ZIC4: variants seen among roughly 807,000 people sequenced by gnomAD.
The protein encoded by ZIC4 is Zic family zinc finger 4, also known as zinc finger protein ZIC 4.
In ZIC4, 15 loss-of-function variants were observed where a neutral mutation model predicts 28.8. That is an observed-to-expected ratio of 0.52 (90% CI 0.35 to 0.80). ZIC4 has a LOEUF of 0.80. Ranked by LOEUF, ZIC4 falls within the 30% of genes least tolerant of loss-of-function variation. The pLI, the probability that ZIC4 is intolerant of heterozygous loss-of-function variation, is 0.01. For synonymous variants in ZIC4, 220 were observed against 198.1 expected (o/e 1.11, Z -0.93); for missense variants, 512 against 467.1 (o/e 1.10, Z -0.89).
In ZIC4 at chr3:147,395,872, A is replaced by T. The variant is rs1322735678; in HGVS notation, c.668T>A (p.Ile223Lys). The T allele has an allele frequency of 6.2e-7, 1 of 1,613,648 alleles. No individual in the cohort carries two copies. The highest frequency in any genetic ancestry group is 1.7e-5 in the Admixed American group (1 of 60,004). The change falls in exon 3 of 5, where the codon ATA becomes AAA. Residue 223 changes from isoleucine (I) to lysine (K), a missense_variant. Physicochemically the swap from Ile to Lys is moderately radical, Grantham distance 102 (BLOSUM62 -3). Around this residue, in one of 3 missense-constraint regions of ZIC4, gnomAD observed 58 missense variants for 93.8 expected, o/e 0.62. Coordinates refer to ENST00000383075, the MANE Select transcript of ZIC4 (RefSeq NM_032153.6). ...CTGACCTGTGTGAGTTCGTTTGTGT[A>T]TTTTGAGATTTTCTGATCTAGCAAA... Reference protein sequence around the residue: ...KVFARSENLKIHKRTHTGEKP... With the variant: ...KVFARSENLKKHKRTHTGEKP...
Position 147,402,711 on chromosome 3 carries a change from G to C in ZIC4, c.70+17C>G. The C allele has an allele frequency of 1.3e-6, 2 of 1,586,196 alleles. No homozygotes were observed. Among genetic ancestry groups the C allele is most frequent in the East Asian group, 4.5e-5 (2 of 44,298 alleles). The stretch of plus-strand genomic sequence containing the variant: ...AGAAACCAGCAAACCAATATTCAAA[G>C]GAGGATTTTAACTTACTTGACTCTT... On this transcript the variant is annotated intron_variant, in intron 2 of 4. Transcript: ENST00000383075.
At chr3:147,393,799 C>T in intron 3 of ZIC4, 1 of 445,348 alleles carries the variant, frequency 2.2e-6, no homozygotes, top group Non-Finnish European at 4.5e-6. Context: ...TGGAGAGGAG[C>T]TGGGTGGCGG....
chr3:147,405,809 C>A, intron 1 of ZIC4: 1 of 377,332 alleles, frequency 2.7e-6, no homozygotes, highest in Non-Finnish European at 4.9e-6. Flanking sequence ...GGAGAAGTTC[C>A]ATCGTCTTGC....
At position 147,387,078 on chromosome 3, in the gene ZIC4, GAAACACAATTAT is replaced by G. The variant is rs2086809348; in HGVS notation, c.*1769_*1780del. ...ATGCAAACCAGAGCAGAAAGAAGCA[GAAACACAATTAT>G]GGACTTAGGGTATGTATTCTGCTTG... is the stretch of plus-strand genomic sequence containing the variant. On this transcript the variant is annotated 3_prime_UTR_variant, in exon 5 of 5. Transcript: ENST00000383075. The G allele has an allele frequency of 6.6e-6, 1 of 152,182 alleles. No individual in the cohort carries two copies. Among genetic ancestry groups the G allele is most frequent in the Non-Finnish European group, 1.5e-5 (1 of 68,040 alleles). 9.4% of individuals were successfully genotyped at this position (152,182 alleles called of 1,614,324 possible).
In ZIC4 at chr3:147,396,757, G is replaced by A. The variant is rs2087058077; in HGVS notation, c.71-288C>T. 10 of 347,668 alleles carry A rather than the reference G, an allele frequency of 2.9e-5. No homozygotes were observed. Among genetic ancestry groups the A allele is most frequent in the Non-Finnish European group, 4.7e-5 (9 of 193,096 alleles). The allele number at this position is 347,668 out of a possible 1,614,324, so 21.5% of individuals were successfully genotyped here. On this transcript the variant is annotated intron_variant, in intron 2 of 4. Coordinates refer to ENST00000383075, the MANE Select transcript of ZIC4 (RefSeq NM_032153.6). This position sits in a 1 kb window ranked among gnomAD's most constrained non-coding sequence, Gnocchi z 4.2. ...AAGGGGTAATGGAAGGCGCAGGGCT[G>A]AGTCTGTGGGTTGCTGGGGGTTCTG...
chr3:147,405,128 A>C (rs1386313654), intron 1 of ZIC4, among the ~76,000 whole-genome samples: 1 of 152,002 alleles, frequency 6.6e-6, no homozygotes, highest in Non-Finnish European at 1.5e-5. Context: ...AGGGGCCTTT[A>C]CTCATTCTCC....
At chr3:147,403,646 C>T in intron 1 of ZIC4, 1 of 201,408 alleles carries the variant, frequency 5.0e-6, no homozygotes, top group Non-Finnish European at 1.0e-5. Flanking sequence ...AAGCATCTAT[C>T]CGGCCCCCAC....
At position 147,390,228 on chromosome 3, in the gene ZIC4, G is replaced by C. The variant is rs1480214110; in HGVS notation, c.1004+703C>G. On this transcript the variant is annotated intron_variant, in intron 4 of 4. Coordinates refer to ENST00000383075, the MANE Select transcript of ZIC4 (RefSeq NM_032153.6). ...ATGAATCTCCCTTACCTCCTTTATA[G>C]AGGAGGTTGGAAAAATTAGGACTTG... is the stretch of plus-strand genomic sequence containing the variant. Among the ~76,000 whole-genome samples the C allele has an allele frequency of 2.7e-5, 4 of 150,600 alleles. No homozygotes were observed. In the South Asian group the frequency reaches 8.5e-4, roughly 32 times the overall value.
intron 2 of ZIC4, chr3:147,397,018 A>G (rs1351703547): frequency 1.3e-5 from 2 of 152,074 alleles, no homozygotes; most frequent in Non-Finnish European, 2.9e-5. Flanking sequence ...GGCCGCTAAC[A>G]CCACTGCCAC....
Position 147,396,207 on chromosome 3 carries a change from G to A in ZIC4, c.333C>T (p.His111=), listed in dbSNP as rs773906033. Residue 111 remains histidine, a synonymous_variant, in exon 3 of 5, where the codon CAC becomes CAT. Coordinates refer to ENST00000383075, the MANE Select transcript of ZIC4 (RefSeq NM_032153.6). This position sits in a 1 kb window ranked among gnomAD's most constrained non-coding sequence, Gnocchi z 4.2. ...TGTAGCGGAAGAAAGCGCCAGGACC[G>A]TGGGGCGCAGCGAGGTTCACCGTCA... ...MNLTVNLAAP[H]GPGAFFRYMR... is the part of the protein sequence containing the mutation. 1.7e-5 allele frequency: 27 copies of A among 1,613,926 alleles called. No individual in the cohort carries two copies. Among genetic ancestry groups the A allele is most frequent in the Non-Finnish European group, 2.3e-5 (27 of 1,179,996 alleles).
At chr3:147,398,062 C>T (rs1253233243) in intron 2 of ZIC4, among the ~76,000 whole-genome samples, 1 of 152,004 alleles carries the variant, frequency 6.6e-6, no homozygotes, top group African/African-American at 2.4e-5. Context: ...GGCTCGAACC[C>T]GTGCCTTCCT....
At chr3:147,391,939 C>A (rs1462346027) in intron 3 of ZIC4, 3 of 984,650 alleles carry the variant, frequency 3.0e-6, no homozygotes, top group Non-Finnish European at 3.6e-6. Flanking sequence ...CCCCTGAGGG[C>A]AAACATTTAG....
At chr3:147,389,784 C>T (rs564570025) in intron 4 of ZIC4, among the ~76,000 whole-genome samples, 113 of 152,198 alleles carry the variant, frequency 7.4e-4, no homozygotes, top group African/African-American at 2.6e-3. Flanking sequence ...CCTCCTACAC[C>T]TTTTTAAAAA....
Position 147,391,072 on chromosome 3 carries a change from T to C in ZIC4, c.863A>G (p.His288Arg). 1.9e-6 allele frequency: 3 copies of C among 1,614,022 alleles called. No homozygotes were observed. The highest frequency in any genetic ancestry group is 1.7e-6 in the Non-Finnish European group (2 of 1,180,038). Residue 288 changes from histidine to arginine, a missense_variant, in exon 4 of 5, where the codon CAC becomes CGC. This residue lies in a region of ZIC4 where 144 missense variants were observed against 116.8 expected (regional missense o/e 1.23). Transcript: ENST00000383075. ...AGAGCTGGGCGGCGGCGAGCGCCCG[T>C]GCACCTTCATGTGCTTACGCAGCGA... ...PSSLRKHMKV[H>R]GRSPPPSSGY...
At chr3:147,390,801 G>A (rs1156747322) in intron 4 of ZIC4, 130 bp downstream of exon 4, 7 of 1,206,586 alleles carry the variant, frequency 5.8e-6, no homozygotes, top group East Asian at 5.1e-5. Flanking sequence ...CGGTGTGTGC[G>A]GAAGCAGCAA....
rs770106112 is a variant in ZIC4 at position 147,396,317 on chromosome 3, G to A, written c.223C>T (p.Pro75Ser). 2 of 1,597,334 alleles carry A rather than the reference G, an allele frequency of 1.3e-6. No individual in the cohort carries two copies. The highest frequency in any genetic ancestry group is 2.2e-5 in the South Asian group (2 of 89,238). ...LGLPGDMYARPEPFPPGPAAR... is the reference protein window; with the variant it reads ...LGLPGDMYARSEPFPPGPAAR... ...GCAGGCCCTGGCGGGAAGGGCTCCGGCCGCGCGTACATGTCTCCAGGGAGC... is the reference window on the plus strand; with the variant it reads ...GCAGGCCCTGGCGGGAAGGGCTCCGACCGCGCGTACATGTCTCCAGGGAGC... Residue 75 changes from proline (P) to serine (S), a missense_variant, in exon 3 of 5, where the codon CCG (proline) becomes TCG (serine). Physicochemically the swap from Pro to Ser is moderately conservative, Grantham distance 74. This residue lies in a region of ZIC4 where 310 missense variants were observed against 256.5 expected (regional missense o/e 1.21). Transcript: ENST00000383075. The surrounding 1 kb of genome is among the most constrained non-coding windows in gnomAD (Gnocchi z 4.2).
chr3:147,390,809 C>A, intron 4 of ZIC4, 122 bp downstream of exon 4: 1 of 1,246,338 alleles, frequency 8.0e-7, no homozygotes. Flanking sequence ...GCGGAAGCAG[C>A]AATCACAGAG....
In ZIC4 at chr3:147,404,125, C is replaced by T. The variant is rs748386004; in HGVS notation, c.-15-1313G>A. 8 of 1,534,640 alleles carry T rather than the reference C, an allele frequency of 5.2e-6. No individual in the cohort carries two copies. The South Asian group carries it at 9.6e-5, about 18-fold the overall frequency. On this transcript the variant is annotated intron_variant, in intron 1 of 4. Coordinates refer to ENST00000383075, the MANE Select transcript of ZIC4 (RefSeq NM_032153.6). Reference sequence around the variant, plus strand: ...CTGGGCGTCCTCGCTCTGAAATTTCCTCATGGCAGGATGTCTGGCATGGAA... The same window carrying T: ...CTGGGCGTCCTCGCTCTGAAATTTCTTCATGGCAGGATGTCTGGCATGGAA...
In ZIC4 at chr3:147,396,013, T is replaced by TAAAAAC; in HGVS notation, c.526_527insGTTTTT (p.Glu176delinsGlyPheTer). 1 of 1,614,240 alleles carries TAAAAAC rather than the reference T, an allele frequency of 6.2e-7. No individual in the cohort carries two copies. The highest frequency in any genetic ancestry group is 8.5e-7 in the Non-Finnish European group (1 of 1,180,048). On this transcript the variant is annotated stop_gained and protein_altering_variant, in exon 3 of 5. Coordinates refer to ENST00000383075, the MANE Select transcript of ZIC4 (RefSeq NM_032153.6). LOFTEE classifies it high-confidence loss of function. This position sits in a 1 kb window ranked among gnomAD's most constrained non-coding sequence, Gnocchi z 4.2. ...GGGCTTTCCCTGGCGCGGACACTCC[T>TAAAAAC]CCCAGAAGCAAATGTGGTTGGCCTG...
Sources: gnomAD v4.1 joint callset for allele counts (sites outside exome capture counted in the v4.1 genomes callset) on GRCh38, gnomAD v4.1.1 for gene constraint, gnomAD v4.1.1 regional missense constraint, Gnocchi (gnomAD v3.1) non-coding constraint, MANE v1.5 for transcripts, NCBI Gene and HGNC (gene_info 2026-07-23, HGNC 2026-07-21) for gene names.